The following PSTPIP2 variants were observed in gnomAD, a reference collection of about 807,000 sequenced individuals.
The protein encoded by PSTPIP2 is proline-serine-threonine phosphatase interacting protein 2.
In PSTPIP2, 33 loss-of-function variants were observed where a neutral mutation model predicts 63.3. The ratio of observed to expected loss-of-function variants is 0.52; its 90% CI spans 0.40 to 0.70. The LOEUF is 0.70. Ranked by LOEUF, PSTPIP2 falls within the 30% of genes least tolerant of loss-of-function variation. PSTPIP2 has a pLI of 0.00. For missense variants in PSTPIP2, 312 were observed against 400.7 expected (o/e 0.78, Z 1.89); for synonymous variants, 125 against 132.7 (o/e 0.94, Z 0.40).
intron 1 of PSTPIP2, among the ~76,000 whole-genome samples, chr18:46,045,151 A>C (rs889001323): frequency 6.6e-5 from 10 of 152,206 alleles, no homozygotes; most frequent in African/African-American, 2.4e-4. Context: ...CAGCCATCCC[A>C]TTACTGGGTA....
At chr18:46,040,089 C>T (rs929020233) in intron 1 of PSTPIP2, 42 bp from the exon 2 acceptor site, 2 of 1,470,016 alleles carry the variant, frequency 1.4e-6, no homozygotes, top group Non-Finnish European at 9.3e-7. Context: ...GAACAGAAGG[C>T]AGCCCCCAAG....
chr18:45,991,021 C>G (rs1458612927), intron 12 of PSTPIP2, among the ~76,000 whole-genome samples: 9 of 152,142 alleles, frequency 5.9e-5, no homozygotes. Flanking sequence ...GGATTAAAAT[C>G]TTAGCTGGGT....
chr18:46,068,648 CT>C (rs1427151164), intron 1 of PSTPIP2, among the ~76,000 whole-genome samples: 1 of 151,846 alleles, frequency 6.6e-6, no homozygotes, highest in Non-Finnish European at 1.5e-5. Flanking sequence ...AAGAGGATAG[CT>C]TGAGGCAAGG....
At chr18:46,063,298 C>G (rs1909055231) in intron 1 of PSTPIP2, among the ~76,000 whole-genome samples, 1 of 152,194 alleles carries the variant, frequency 6.6e-6, no homozygotes, top group South Asian at 2.1e-4. Flanking sequence ...AGCCACAGCG[C>G]CCAATCATAA....
chr18:46,061,924 G>A (rs1363609502), intron 1 of PSTPIP2, among the ~76,000 whole-genome samples: 3 of 152,136 alleles, frequency 2.0e-5, no homozygotes, highest in East Asian at 1.9e-4. Flanking sequence ...TAGGGTTTTC[G>A]AATATTTGTG....
At chr18:46,066,517 A>G (rs1271890099) in intron 1 of PSTPIP2, among the ~76,000 whole-genome samples, 2 of 152,142 alleles carry the variant, frequency 1.3e-5, no homozygotes, top group African/African-American at 4.8e-5. Flanking sequence ...ACTGCCTGAG[A>G]TTACGTGGGG....
At chr18:46,006,360 C>T (rs1259093745) in intron 5 of PSTPIP2, among the ~76,000 whole-genome samples, 17 of 115,612 alleles carry the variant, frequency 1.5e-4, no homozygotes, top group East Asian at 5.3e-4. Flanking sequence ...AGCCCTGGTA[C>T]TTTTTTTTTT....
intron 1 of PSTPIP2, among the ~76,000 whole-genome samples, chr18:46,065,371 A>G (rs1369013619): frequency 6.6e-6 from 1 of 151,434 alleles, no homozygotes; most frequent in Non-Finnish European, 1.5e-5. Context: ...AGCTCACTGC[A>G]AACTCCGCCT....
chr18:46,008,053 G>T (rs2051749526), intron 5 of PSTPIP2, among the ~76,000 whole-genome samples: 1 of 152,204 alleles, frequency 6.6e-6, no homozygotes, highest in African/African-American at 2.4e-5. Context: ...CCCTTTCAGA[G>T]CTCCTCAGGG....
intron 1 of PSTPIP2, among the ~76,000 whole-genome samples, chr18:46,056,878 G>T (rs542567629): frequency 2.9e-4 from 44 of 152,282 alleles, no homozygotes; most frequent in Non-Finnish European, 2.6e-4. Context: ...AAGGTGGGCA[G>T]ATCACTTGAG....
intron 3 of PSTPIP2, among the ~76,000 whole-genome samples, chr18:46,023,570 G>GT (rs1324797285): frequency 6.7e-6 from 1 of 149,086 alleles, no homozygotes; most frequent in Non-Finnish European, 1.5e-5. Flanking sequence ...AAAAAGAAAA[G>GT]TTTTTTTAAA....
intron 2 of PSTPIP2, among the ~76,000 whole-genome samples, chr18:46,033,438 C>T (rs1330963332): frequency 6.6e-6 from 1 of 152,152 alleles, no homozygotes; most frequent in Non-Finnish European, 1.5e-5. Context: ...TAGCTCACAC[C>T]TATAATCCCA....
chr18:46,032,390 A>C (rs371540620), intron 2 of PSTPIP2, among the ~76,000 whole-genome samples: 2 of 152,088 alleles, frequency 1.3e-5, no homozygotes, highest in Non-Finnish European at 1.5e-5. Flanking sequence ...TAAAAACCCC[A>C]ACTCCCTTTG....
intron 13 of PSTPIP2, among the ~76,000 whole-genome samples, chr18:45,990,508 C>T (rs546847288): frequency 6.6e-6 from 1 of 152,258 alleles, no homozygotes; most frequent in East Asian, 1.9e-4. Context: ...TGGCTCACTG[C>T]ATCCTCCACC....
intron 14 of PSTPIP2, 69 bp from the exon 15 acceptor site, chr18:45,985,519 G>C (rs796197200): frequency 4.1e-5 from 63 of 1,529,878 alleles, no homozygotes; most frequent in Non-Finnish European, 5.1e-5. Context: ...CCTACCTTGA[G>C]AGTATATTCA....
At chr18:46,019,637 C>T (rs1430441414) in intron 3 of PSTPIP2, among the ~76,000 whole-genome samples, 1 of 152,070 alleles carries the variant, frequency 6.6e-6, no homozygotes, top group Non-Finnish European at 1.5e-5. Flanking sequence ...CCCTTCTCCA[C>T]TAAAAATACA....
chr18:46,067,418 G>C (rs960243305), intron 1 of PSTPIP2, among the ~76,000 whole-genome samples: 52 of 151,520 alleles, frequency 3.4e-4, no homozygotes, highest in Middle Eastern at 3.4e-3. Flanking sequence ...CAGGAGAATG[G>C]TGTGAACCCA....
intron 2 of PSTPIP2, among the ~76,000 whole-genome samples, chr18:46,039,144 G>A (rs1400721476): frequency 6.6e-6 from 1 of 152,086 alleles, no homozygotes; most frequent in Non-Finnish European, 1.5e-5. Flanking sequence ...CAAGGATCCT[G>A]ATCTTTGGCC....
intron 1 of PSTPIP2, among the ~76,000 whole-genome samples, chr18:46,050,368 G>T (rs1026679869): frequency 6.6e-6 from 1 of 151,982 alleles, no homozygotes; most frequent in Non-Finnish European, 1.5e-5. Context: ...CCAGGAGTTC[G>T]CGACAAGCCT....
Sources: allele counts gnomAD v4.1 joint callset (sites outside exome capture counted in the v4.1 genomes callset), GRCh38; gene constraint gnomAD v4.1.1; transcripts MANE v1.5; gene names NCBI Gene and HGNC (gene_info 2026-07-23, HGNC 2026-07-21).